The following EFCAB5 variants were observed in gnomAD, a reference collection of about 807,000 sequenced individuals.
EFCAB5 encodes EF-hand calcium-binding domain-containing protein 5.
A neutral mutation model predicts 167.9 loss-of-function variants in EFCAB5; 131 were observed. That is an observed-to-expected ratio of 0.78 (90% confidence interval 0.68 to 0.90). The LOEUF is 0.90. EFCAB5 is among the 40% of genes least tolerant of loss of function. The pLI is 0.00. For synonymous variants in EFCAB5, 574 were observed against 602.8 expected (o/e 0.95, Z 0.70); for missense variants, 1,663 against 1,745.2 (o/e 0.95, Z 0.84).
intron 18 of EFCAB5, among the ~76,000 whole-genome samples, chr17:30,085,471 A>C (rs1392027020): frequency 7.9e-5 from 12 of 152,250 alleles, no homozygotes; most frequent in Non-Finnish European, 1.8e-4. Context: ...CTGTAATCCC[A>C]GCACTTTGGG....
At chr17:30,016,874 A>C (rs58211150) in intron 7 of EFCAB5, among the ~76,000 whole-genome samples, 1,778 of 152,196 alleles carry the variant, frequency 0.012, 34 homozygotes, top group African/African-American at 0.04. Context: ...AACACAGATA[A>C]ATACAAAACA....
chr17:30,034,468 G>A (rs1348153819), intron 8 of EFCAB5, 83 bp downstream of exon 8: 2 of 1,490,360 alleles, frequency 1.3e-6, no homozygotes, highest in Non-Finnish European at 1.8e-6. Context: ...GGAGGCTGAG[G>A]CTGGTGGATT....
At chr17:30,087,464 A>G (rs761593115) in intron 19 of EFCAB5, among the ~76,000 whole-genome samples, 2 of 152,034 alleles carry the variant, frequency 1.3e-5, no homozygotes, top group Non-Finnish European at 2.9e-5. Context: ...CCCCCTTGAC[A>G]GGCCCCAGTG....
rs1173175808 is a variant in EFCAB5 at position 30,078,208 on chromosome 17, C to A, written c.2738-7C>A. ...TTAGTTCTTGGTTTCGTGTTTGTGTCTTTTAGCTAAACTACACATCCAATT... is the reference window on the plus strand; with the variant it reads ...TTAGTTCTTGGTTTCGTGTTTGTGTATTTTAGCTAAACTACACATCCAATT... On this transcript the variant is annotated splice_region_variant and splice_polypyrimidine_tract_variant and intron_variant, in intron 14 of 22. Transcript: ENST00000394835. 1 of 1,603,168 alleles carries A rather than the reference C, an allele frequency of 6.2e-7. No individual in the cohort carries two copies. The highest frequency in any genetic ancestry group is 2.2e-5 in the East Asian group (1 of 44,720).
intron 19 of EFCAB5, among the ~76,000 whole-genome samples, chr17:30,088,059 T>C (rs2071122963): frequency 6.6e-6 from 1 of 152,244 alleles, no homozygotes. Flanking sequence ...TTATTCTGAT[T>C]GGCTTTTAAA....
chr17:29,969,302 C>G lies in EFCAB5; in HGVS notation c.702C>G (p.Tyr234Ter), dbSNP rs2067901129. The G allele has an allele frequency of 6.2e-7, 1 of 1,612,228 alleles. No individual in the cohort carries two copies. The highest frequency in any genetic ancestry group is 8.5e-7 in the Non-Finnish European group (1 of 1,179,386). ...NYIKDPGMSG[Y>*]QRLMKEVTED... ...TCAAAGACCCAGGAATGTCTGGTTA[C>G]CAGAGGTTGATGAAAGAAGTCACAG... Residue 234 changes from tyrosine (Y) to a stop codon, truncating the protein, a stop_gained, in exon 4 of 23, where the codon TAC (tyrosine) becomes TAG (stop). Coordinates refer to ENST00000394835, the MANE Select transcript of EFCAB5 (RefSeq NM_198529.4). LOFTEE classifies it high-confidence loss of function.
At chr17:29,967,456 C>T (rs777406844) in intron 3 of EFCAB5, among the ~76,000 whole-genome samples, 7 of 152,148 alleles carry the variant, frequency 4.6e-5, no homozygotes, top group Non-Finnish European at 1.0e-4. Context: ...ACAAAAAGGT[C>T]AGTCTTTCTC....
intron 20 of EFCAB5, 80 bp downstream of exon 20, chr17:30,090,754 C>T: frequency 6.7e-7 from 1 of 1,503,218 alleles, no homozygotes; most frequent in Non-Finnish European, 8.9e-7. Context: ...ATGAAATATG[C>T]ACTTTCTAAA....
chr17:30,014,701 C>T (rs1241497606), intron 7 of EFCAB5, among the ~76,000 whole-genome samples: 5 of 152,114 alleles, frequency 3.3e-5, no homozygotes, highest in South Asian at 4.1e-4. Context: ...TGTCTCTGCA[C>T]GTGAGATGGG....
chr17:30,013,896 G>A (rs1240228623), intron 7 of EFCAB5, among the ~76,000 whole-genome samples: 1 of 152,216 alleles, frequency 6.6e-6, no homozygotes, highest in Non-Finnish European at 1.5e-5. Context: ...TGTGATGTTA[G>A]GGTGTCGATT....
chr17:29,962,340 G>C (rs1327790492), intron 3 of EFCAB5, among the ~76,000 whole-genome samples: 1 of 151,934 alleles, frequency 6.6e-6, no homozygotes, highest in African/African-American at 2.4e-5. Flanking sequence ...ATTTATTTAT[G>C]TTTTCTTTAA....
intron 7 of EFCAB5, among the ~76,000 whole-genome samples, chr17:30,004,260 G>A (rs921420548): frequency 1.3e-5 from 2 of 152,210 alleles, no homozygotes; most frequent in Non-Finnish European, 2.9e-5. Flanking sequence ...TGAGACTTGG[G>A]ATCTTATTTG....
At chr17:30,070,949 C>CA (rs35019863) in intron 14 of EFCAB5, among the ~76,000 whole-genome samples, 1,354 of 60,102 alleles carry the variant, frequency 0.023, 106 homozygotes, top group East Asian at 0.11. Flanking sequence ...GATTCCATCT[C>CA]AAAAAAAAAA....
chr17:29,940,792 C>T (rs900161857), upstream of EFCAB5, among the ~76,000 whole-genome samples: 1 of 152,116 alleles, frequency 6.6e-6, no homozygotes, highest in African/African-American at 2.4e-5. Flanking sequence ...GTAATCCCAG[C>T]ACTTTCGGAG....
chr17:30,051,929 T>C (rs1255285283), intron 9 of EFCAB5, among the ~76,000 whole-genome samples: 1 of 152,174 alleles, frequency 6.6e-6, no homozygotes, highest in Non-Finnish European at 1.5e-5. Flanking sequence ...CCTTTTTATG[T>C]TATTTCCAAA....
chr17:29,996,314 T>A lies in EFCAB5; in HGVS notation c.927T>A (p.Ile309=). 1 of 1,550,466 alleles carries A rather than the reference T, an allele frequency of 6.4e-7. No individual in the cohort carries two copies. The highest frequency in any genetic ancestry group is 8.7e-7 in the Non-Finnish European group (1 of 1,146,636). ...DPKGMIPKSV[I]QNVLQEFFQN... is the part of the protein sequence containing the mutation. ...TTTTTTCCTCTTTTGAGTTGCAGAT[T>A]CAGAATGTTCTTCAAGAATTCTTTC... The change falls in exon 6 of 23, where the codon ATT becomes ATA. Residue 309 remains isoleucine, a splice_region_variant and synonymous_variant. Coordinates refer to ENST00000394835, the MANE Select transcript of EFCAB5 (RefSeq NM_198529.4).
At position 30,057,684 on chromosome 17, in the gene EFCAB5, T is replaced by G. The variant is rs781437144; in HGVS notation, c.2374T>G (p.Ser792Ala). The G allele has an allele frequency of 5.6e-6, 9 of 1,612,192 alleles. No homozygotes were observed. Among genetic ancestry groups the G allele is most frequent in the Non-Finnish European group, 7.6e-6 (9 of 1,178,738 alleles). The change falls in exon 13 of 23, where the codon TCA becomes GCA. Residue 792 changes from serine to alanine, a missense_variant. Coordinates refer to ENST00000394835, the MANE Select transcript of EFCAB5 (RefSeq NM_198529.4). ...TGTTTCTTGCTTGACAGATTTACAC[T>G]CAATTATCAGAAATATTCAGTCTTG... ...YGNSRFTDLH[S>A]IIRNIQSCKE...
intron 3 of EFCAB5, among the ~76,000 whole-genome samples, chr17:29,957,806 T>G (rs1032808319): frequency 6.6e-6 from 1 of 152,220 alleles, no homozygotes; most frequent in African/African-American, 2.4e-5. Flanking sequence ...TAATGTATCT[T>G]TATAACAGAA....
At chr17:29,965,271 G>T (rs1346546504) in intron 3 of EFCAB5, among the ~76,000 whole-genome samples, 1 of 151,778 alleles carries the variant, frequency 6.6e-6, no homozygotes, top group African/African-American at 2.4e-5. Context: ...AATATCCCTT[G>T]TGATTTTTTT....
Sources: allele counts gnomAD v4.1 joint callset (sites outside exome capture counted in the v4.1 genomes callset), GRCh38; gene constraint gnomAD v4.1.1; transcripts MANE v1.5; gene names NCBI Gene and HGNC (gene_info 2026-07-23, HGNC 2026-07-21).